Variants in PCDH15 observed in about 807,000 individuals in gnomAD.
The protein encoded by PCDH15 is protocadherin related 15.
In PCDH15, 129 loss-of-function variants were observed where a neutral mutation model predicts 178.5. That is an observed-to-expected ratio of 0.72 (90% confidence interval 0.63 to 0.84). The LOEUF is 0.84. PCDH15 is among the 40% of genes least tolerant of loss of function. The probability of loss-of-function intolerance (pLI) is 0.00; values close to 1 mark genes in which losing one functional copy is unlikely to be tolerated. For synonymous variants in PCDH15, 800 were observed against 732.0 expected, an observed-to-expected ratio of 1.09 and a Z score of -1.50; for missense variants, 2,230 against 2,099.9, an observed-to-expected ratio of 1.06 and a Z score of -1.21.
intron 2 of PCDH15, among the ~76,000 whole-genome samples, chr10:55,044,132 C>T (rs1440673445): frequency 6.6e-6 from 1 of 152,088 alleles, no homozygotes; most frequent in Admixed American, 6.6e-5. Context: ...TTTGATGTCT[C>T]AACAAGGTGA....
At chr10:54,938,590 T>C (rs1837970984) in intron 2 of PCDH15, among the ~76,000 whole-genome samples, 1 of 152,152 alleles carries the variant, frequency 6.6e-6, no homozygotes, top group South Asian at 2.1e-4. Context: ...TACTTTTCTA[T>C]TTTAATCTCT....
At chr10:55,479,018 G>A (rs1840119000) in intron 2 of PCDH15, among the ~76,000 whole-genome samples, 1 of 148,904 alleles carries the variant, frequency 6.7e-6, no homozygotes, top group African/African-American at 2.5e-5. Flanking sequence ...TAAGAGAAAA[G>A]TCCAGGATCT....
chr10:55,227,162 C>T (rs538859090), intron 1 of PCDH15, among the ~76,000 whole-genome samples: 1 of 152,060 alleles, frequency 6.6e-6, no homozygotes, highest in South Asian at 2.1e-4. Flanking sequence ...ATAGAGCAGA[C>T]ATTAAAAATT....
intron 2 of PCDH15, among the ~76,000 whole-genome samples, chr10:55,094,200 T>C (rs1412043730): frequency 6.6e-6 from 1 of 152,132 alleles, no homozygotes; most frequent in Admixed American, 6.6e-5. Context: ...CACCATGGAA[T>C]ACTATGCAGC....
chr10:54,571,325 C>T, intron 2 of PCDH15, among the ~76,000 whole-genome samples: 1 of 48,214 alleles, frequency 2.1e-5, no homozygotes, highest in Non-Finnish European at 3.6e-5. Context: ...AGACAATAGA[C>T]AAAATTTGAA....
intron 2 of PCDH15, among the ~76,000 whole-genome samples, chr10:54,906,332 G>C (rs555092859): frequency 6.6e-6 from 1 of 151,934 alleles, no homozygotes; most frequent in South Asian, 2.1e-4. Context: ...AAATCGATTA[G>C]ATTATTTTTT....
At chr10:54,374,468 T>C (rs1948119345) in intron 4 of PCDH15, among the ~76,000 whole-genome samples, 2 of 152,070 alleles carry the variant, frequency 1.3e-5, no homozygotes. Flanking sequence ...ATTATTGATA[T>C]TGTCATGACC....
At chr10:55,286,230 C>T (rs1288687614) in intron 1 of PCDH15, among the ~76,000 whole-genome samples, 1 of 151,724 alleles carries the variant, frequency 6.6e-6, no homozygotes, top group Non-Finnish European at 1.5e-5. Context: ...TAGAAAATGA[C>T]TGCATTAAAA....
chr10:54,722,460 A>T (rs1270743929), intron 1 of PCDH15, among the ~76,000 whole-genome samples: 1 of 151,362 alleles, frequency 6.6e-6, no homozygotes, highest in African/African-American at 2.4e-5. Context: ...CAAATAACTA[A>T]TTGCTTGTTT....
At chr10:54,220,735 G>A (rs955945370) in intron 9 of PCDH15, among the ~76,000 whole-genome samples, 3 of 151,904 alleles carry the variant, frequency 2.0e-5, no homozygotes, top group African/African-American at 4.8e-5. Context: ...TGACGCAGGA[G>A]AATGGAGTGA....
chr10:53,941,937 G>A (rs1476708223), intron 23 of PCDH15, among the ~76,000 whole-genome samples: 2 of 152,200 alleles, frequency 1.3e-5, no homozygotes, highest in East Asian at 1.9e-4. Context: ...GAATGTACAC[G>A]GTAGTTCTTC....
At chr10:53,855,135 G>A (rs1176319462) in intron 28 of PCDH15, among the ~76,000 whole-genome samples, 1 of 151,914 alleles carries the variant, frequency 6.6e-6, no homozygotes, top group Admixed American at 6.6e-5. Context: ...TATAACTGGA[G>A]TTATAGAAAT....
At chr10:54,779,951 G>T (rs911599099) in intron 1 of PCDH15, among the ~76,000 whole-genome samples, 1 of 152,044 alleles carries the variant, frequency 6.6e-6, no homozygotes. Flanking sequence ...TGCAACTACA[G>T]AATCATAATT....
chr10:53,943,729 TCTC>T (rs760290997), intron 23 of PCDH15, among the ~76,000 whole-genome samples: 31 of 152,282 alleles, frequency 2.0e-4, no homozygotes, highest in Admixed American at 2.0e-4. Flanking sequence ...AGACAAAATT[TCTC>T]CTCATTAACC....
At chr10:55,341,784 T>TAG (rs1844574980) in intron 2 of PCDH15, among the ~76,000 whole-genome samples, 1 of 12,146 alleles carries the variant, frequency 8.2e-5, no homozygotes, top group Non-Finnish European at 1.8e-4. Context: ...TATATATATA[T>TAG]ATATATATAT....
chr10:55,555,725 G>C (rs887300201), intron 2 of PCDH15, among the ~76,000 whole-genome samples: 3 of 152,000 alleles, frequency 2.0e-5, no homozygotes, highest in Admixed American at 1.3e-4. Flanking sequence ...GGTGCTTAGT[G>C]GATTTTTTTT....
At chr10:53,820,135 C>T (rs2076205095) in intron 33 of PCDH15, 30 bp downstream of exon 33, 3 of 396,604 alleles carry the variant, frequency 7.6e-6, no homozygotes, top group South Asian at 2.6e-4. Context: ...AAGACACACT[C>T]ACATTAAAGG....
chr10:54,247,639 C>T (rs1468982418), intron 8 of PCDH15, among the ~76,000 whole-genome samples: 1 of 151,736 alleles, frequency 6.6e-6, no homozygotes, highest in Non-Finnish European at 1.5e-5. Flanking sequence ...ATTGAGATGG[C>T]CTTTTGGGGT....
At chr10:53,822,686 A>G in intron 32 of PCDH15, 1 of 1,614,120 alleles carries the variant, frequency 6.2e-7, no homozygotes, top group Non-Finnish European at 8.5e-7. Context: ...TGAGTTCCAC[A>G]GTTCTTGAAA....
Sources: gnomAD v4.1 joint callset for allele counts (sites outside exome capture counted in the v4.1 genomes callset) on GRCh38, gnomAD v4.1.1 for gene constraint, MANE v1.5 for transcripts, NCBI Gene and HGNC (gene_info 2026-07-23, HGNC 2026-07-21) for gene names.